Variants in TMEM230 observed in about 807,000 individuals in gnomAD.
TMEM230 encodes transmembrane protein 230, also known as UPF0414 transmembrane protein C20orf30.
A neutral mutation model predicts 15.8 loss-of-function variants in TMEM230; 10 were observed. The ratio of observed to expected loss-of-function variants is 0.63; its 90% CI spans 0.39 to 1.07. The LOEUF (loss-of-function observed/expected upper bound fraction) is 1.07, where lower values mean the gene tolerates loss of function less well. TMEM230 is among the 50% of genes least tolerant of loss of function. The pLI is 0.01. For synonymous variants in TMEM230, 67 were observed against 76.9 expected (o/e 0.87, Z 0.68); for missense variants, 165 against 193.3 (o/e 0.85, Z 0.87).
downstream of TMEM230, among the ~76,000 whole-genome samples, chr20:5,064,198 C>T (rs192228996): frequency 1.1e-4 from 16 of 151,892 alleles, no homozygotes; most frequent in Non-Finnish European, 1.9e-4. Flanking sequence ...ACCCAGGAGG[C>T]GGAGGTTGCA....
chr20:5,060,057 C>T, the TMEM230 span, among the ~76,000 whole-genome samples: 1 of 151,818 alleles, frequency 6.6e-6, no homozygotes, highest in African/African-American at 2.4e-5. Flanking sequence ...CAGGCATGAG[C>T]TACTGCTCCC....
chr20:5,087,454 C>T (rs1329751880), intron 3 of TMEM230, among the ~76,000 whole-genome samples: 5 of 151,216 alleles, frequency 3.3e-5, no homozygotes, highest in Non-Finnish European at 7.4e-5. Flanking sequence ...AGGGCTGGTC[C>T]CCCAGCTAAG....
At chr20:5,091,940 T>C (rs547026310) in intron 3 of TMEM230, among the ~76,000 whole-genome samples, 85 of 152,344 alleles carry the variant, frequency 5.6e-4, no homozygotes, top group African/African-American at 1.9e-3. Context: ...TGTGGTCTAC[T>C]TTTTTGGTTA....
chr20:5,095,433 T>G (rs1419597594), downstream of TMEM230, among the ~76,000 whole-genome samples: 2 of 152,216 alleles, frequency 1.3e-5, no homozygotes, highest in Non-Finnish European at 2.9e-5. Context: ...TTGGGACTCC[T>G]GTCTCGATTT....
downstream of TMEM230, among the ~76,000 whole-genome samples, chr20:5,065,785 C>G (rs1042653120): frequency 3.9e-5 from 6 of 152,218 alleles, no homozygotes; most frequent in African/African-American, 1.4e-4. Flanking sequence ...GACCAAAGGT[C>G]TGTGACTCAC....
the TMEM230 span, among the ~76,000 whole-genome samples, chr20:5,061,535 GGGATGAA>G: frequency 6.6e-6 from 1 of 152,084 alleles, no homozygotes; most frequent in Non-Finnish European, 1.5e-5. Context: ...GCCATTCTAT[GGGATGAA>G]TGTGTGTGTC....
intron 3 of TMEM230, chr20:5,069,432 C>T: frequency 1.4e-6 from 2 of 1,394,518 alleles, no homozygotes; most frequent in African/African-American, 1.4e-5. Flanking sequence ...CAAGAAATCA[C>T]ATCTTATGCA....
At chr20:5,070,470 A>T (rs1175751101) in intron 3 of TMEM230, among the ~76,000 whole-genome samples, 2 of 152,224 alleles carry the variant, frequency 1.3e-5, no homozygotes, top group African/African-American at 4.8e-5. Context: ...AGAAATAGAT[A>T]ACCGGAAGAG....
At chr20:5,062,176 C>T in the TMEM230 span, among the ~76,000 whole-genome samples, 7 of 151,054 alleles carry the variant, frequency 4.6e-5, no homozygotes, top group Admixed American at 3.3e-4. Context: ...GAGCCGAGAT[C>T]GCACCATTGC....
chr20:5,083,194 C>T (rs1458218552), intron 3 of TMEM230, among the ~76,000 whole-genome samples: 2 of 151,656 alleles, frequency 1.3e-5, no homozygotes, highest in African/African-American at 4.8e-5. Flanking sequence ...TCCCAAAGTG[C>T]TGGGATTACA....
chr20:5,099,778 T>C (rs1038629132), downstream of TMEM230: 8 of 883,210 alleles, frequency 9.1e-6, no homozygotes, highest in Admixed American at 6.2e-5. Flanking sequence ...CAATGCCAGC[T>C]ACCTAGAAAC....
chr20:5,106,848 A>T (rs1043069165), intron 3 of TMEM230, among the ~76,000 whole-genome samples: 5 of 152,102 alleles, frequency 3.3e-5, no homozygotes, highest in African/African-American at 1.2e-4. Context: ...TGGGACTACA[A>T]GTATACGTCA....
downstream of TMEM230, among the ~76,000 whole-genome samples, chr20:5,064,364 T>G (rs1052408138): frequency 6.6e-6 from 1 of 150,682 alleles, no homozygotes; most frequent in African/African-American, 2.4e-5. Context: ...ATCACCTGAG[T>G]TCGAGAGTTC....
rs1482297943 is a variant in TMEM230 at position 5,089,786 on chromosome 20, T to TGGGAGGACGAGACCTGAGGTC, written c.222+16381_222+16401dup. ...GGCTCATGCCTGTAATCCAGCACTT[T>TGGGAGGACGAGACCTGAGGTC]GGGAGGACGAGACCTGAGGTCAGGA... On this transcript the variant is annotated intron_variant, in intron 3 of 3. Coordinates refer to the TMEM230 transcript ENST00000612323. Among the ~76,000 whole-genome samples the TGGGAGGACGAGACCTGAGGTC allele has an allele frequency of 3.3e-5, 5 of 152,076 alleles. No individual in the cohort carries two copies. In the East Asian group the frequency reaches 7.8e-4, roughly 24 times the overall value.
Position 5,106,277 on chromosome 20 carries a change from C to T in TMEM230, c.322G>A (p.Ala108Thr). The T allele has an allele frequency of 6.2e-7, 1 of 1,612,450 alleles. No homozygotes were observed. Among genetic ancestry groups the T allele is most frequent in the Non-Finnish European group, 8.5e-7 (1 of 1,179,590 alleles). Residue 108 changes from alanine to threonine, a missense_variant, in exon 4 of 5, where the codon GCC becomes ACC. Coordinates refer to ENST00000342308, the MANE Select transcript of TMEM230 (RefSeq NM_001009923.2). ...AACAGCACAGTGGCAAGTGCGATGGCCTTATAAGGGATCTTAGGAGGGGTT... is the reference window on the plus strand; with the variant it reads ...AACAGCACAGTGGCAAGTGCGATGGTCTTATAAGGGATCTTAGGAGGGGTT...
chr20:5,061,023 T>C, the TMEM230 span: 1 of 152,216 alleles, frequency 6.6e-6, no homozygotes, highest in Admixed American at 6.5e-5. Context: ...TTGATTATTG[T>C]AAACACATGG....
At chr20:5,106,703 G>A (rs1375156769) in intron 3 of TMEM230, among the ~76,000 whole-genome samples, 3 of 151,686 alleles carry the variant, frequency 2.0e-5, no homozygotes, top group African/African-American at 4.8e-5. Flanking sequence ...CACCGCGCCC[G>A]GCCTAATTTT....
In TMEM230 at chr20:5,112,961, C is replaced by T. The variant is rs765701142; in HGVS notation, c.68G>A (p.Arg23Gln). The change falls in exon 1 of 5, where the codon CGA (arginine) becomes CAA (glutamine). Residue 23 changes from arginine to glutamine, a missense_variant and splice_region_variant. Physicochemically the swap from Arg to Gln is conservative, Grantham distance 43 (BLOSUM62 1). Transcript: ENST00000342308. ...CCGCCCTGCCGCACACACGCCTTAC[C>T]GGAGCGCCGCGCCAGGCCGCCCGCA... The T allele has an allele frequency of 2.8e-5, 43 of 1,550,228 alleles. No homozygotes were observed. In the East Asian group the frequency reaches 9.0e-4, roughly 33 times the overall value.
At chr20:5,069,971 A>G (rs574568512) in intron 3 of TMEM230, among the ~76,000 whole-genome samples, 1 of 152,230 alleles carries the variant, frequency 6.6e-6, no homozygotes, top group African/African-American at 2.4e-5. Context: ...CGACCTCCCA[A>G]AGTGCTGGGA....
Sources: allele counts gnomAD v4.1 joint callset (sites outside exome capture counted in the v4.1 genomes callset), GRCh38; gene constraint gnomAD v4.1.1; transcripts MANE v1.5; gene names NCBI Gene and HGNC (gene_info 2026-07-23, HGNC 2026-07-21).